Variants in TIPRL observed in about 807,000 individuals in gnomAD.
TIPRL encodes the protein TIP41-like protein.
A neutral mutation model predicts 32.3 loss-of-function variants in TIPRL; 10 were observed. The ratio of observed to expected loss-of-function variants is 0.31; its 90% CI spans 0.19 to 0.52. The LOEUF is 0.52. Ranked by LOEUF, TIPRL falls within the 20% of genes least tolerant of loss-of-function variation. TIPRL has a pLI of 0.96. For missense variants in TIPRL, 250 were observed against 328.1 expected (o/e 0.76, Z 1.84); for synonymous variants, 100 against 114.0 (o/e 0.88, Z 0.78).
At position 168,200,101 on chromosome 1, in the gene TIPRL, G is replaced by A. The variant is rs950671007; in HGVS notation, c.*55G>A. On this transcript the variant is annotated 3_prime_UTR_variant, in exon 7 of 7. Coordinates refer to ENST00000367833, the MANE Select transcript of TIPRL (RefSeq NM_152902.5). ...ATCTGACTGGACACCTTGGCTATTT[G>A]TAAGGGGTTATTTTTATTATGAGAA... 4 of 1,560,500 alleles carry A rather than the reference G, an allele frequency of 2.6e-6. No homozygotes were observed. The highest frequency in any genetic ancestry group is 2.7e-5 in the African/African-American group (2 of 72,896).
intron 5 of TIPRL, among the ~76,000 whole-genome samples, chr1:168,198,394 CA>C (rs1273651643): frequency 2.0e-5 from 3 of 151,712 alleles, no homozygotes; most frequent in Non-Finnish European, 2.9e-5. Context: ...AAAACCTAAC[CA>C]AAAATCTTAA....
chr1:168,191,576 A>G (rs1265782290), intron 4 of TIPRL, 76 bp downstream of exon 4: 4 of 1,274,468 alleles, frequency 3.1e-6, no homozygotes, highest in African/African-American at 3.2e-5. Context: ...CTCACTTTGA[A>G]TAACACTGAG....
intron 4 of TIPRL, 93 bp downstream of exon 4, chr1:168,191,593 C>T (rs971213145): frequency 3.8e-5 from 43 of 1,136,578 alleles, no homozygotes; most frequent in Middle Eastern, 3.3e-4. Flanking sequence ...TGAGCCTGGC[C>T]GGGCGCGGTG....
intron 1 of TIPRL, among the ~76,000 whole-genome samples, chr1:168,181,880 G>A (rs1440535694): frequency 1.3e-5 from 2 of 151,578 alleles, no homozygotes; most frequent in African/African-American, 4.8e-5. Flanking sequence ...GGACAACATG[G>A]TGTAACCCCG....
Position 168,200,663 on chromosome 1 carries a change from G to T in TIPRL, c.*617G>T, listed in dbSNP as rs1174616972. The T allele has an allele frequency of 6.6e-6, 1 of 151,982 alleles. No individual in the cohort carries two copies. The highest frequency in any genetic ancestry group is 1.5e-5 in the Non-Finnish European group (1 of 68,012). The allele number at this position is 151,982 out of a possible 1,614,324, so 9.4% of individuals were successfully genotyped here. A position where few individuals can be genotyped will look rare whatever the true frequency, so the allele number is the denominator to read the frequency against. Reference sequence around the variant, plus strand: ...AACCAAAAATACCTAGATTTTTGGAGAACTTATTACATACATAGAAACATG... The same window carrying T: ...AACCAAAAATACCTAGATTTTTGGATAACTTATTACATACATAGAAACATG... On this transcript the variant is annotated 3_prime_UTR_variant, in exon 7 of 7. Coordinates refer to ENST00000367833, the MANE Select transcript of TIPRL (RefSeq NM_152902.5).
At position 168,201,213 on chromosome 1, in the gene TIPRL, T is replaced by C. The variant is rs558274288; in HGVS notation, c.*1167T>C. The C allele has an allele frequency of 2.0e-5, 3 of 152,246 alleles. No homozygotes were observed. The highest frequency in any genetic ancestry group is 1.9e-4 in the East Asian group (1 of 5,182). The allele number at this position is 152,246 out of a possible 1,614,324, so 9.4% of individuals were successfully genotyped here. Reference sequence around the variant, plus strand: ...AAAAAGCATCAAATAAGAAATTATTTCAAGTGGATTTTTAAAAATATTTTT... The same window carrying C: ...AAAAAGCATCAAATAAGAAATTATTCCAAGTGGATTTTTAAAAATATTTTT... On this transcript the variant is annotated 3_prime_UTR_variant, in exon 7 of 7. Transcript: ENST00000367833.
intron 4 of TIPRL, among the ~76,000 whole-genome samples, chr1:168,191,743 G>A (rs959382185): frequency 6.6e-6 from 1 of 151,588 alleles, no homozygotes; most frequent in African/African-American, 2.4e-5. Context: ...ATGGTGGCGG[G>A]CGCCTGTAGT....
Position 168,191,375 on chromosome 1 carries a change from C to T in TIPRL, c.391C>T (p.Pro131Ser). ...LGESLKLKVV[P>S]TTDHIDTEKL... ...TTAAAATTTTTTCTTTCAGGTTGTA[C>T]CTACAACAGATCATATAGATACAGA... The change falls in exon 4 of 7, where the codon CCT (proline) becomes TCT (serine). Residue 131 changes from proline (P) to serine (S), a missense_variant. Pro to Ser is a moderately conservative substitution (Grantham distance 74, BLOSUM62 -1). Coordinates refer to ENST00000367833, the MANE Select transcript of TIPRL (RefSeq NM_152902.5). 6.5e-7 allele frequency: 1 copy of T among 1,528,570 alleles called. No individual in the cohort carries two copies. Among genetic ancestry groups the T allele is most frequent in the South Asian group, 1.3e-5 (1 of 75,186 alleles). 94.7% of individuals were successfully genotyped at this position (1,528,570 alleles called of 1,614,324 possible).
chr1:168,187,981 T>C (rs1700048789), intron 3 of TIPRL, among the ~76,000 whole-genome samples: 12 of 152,102 alleles, frequency 7.9e-5, no homozygotes, highest in Non-Finnish European at 2.9e-5. Context: ...CAAAACAGTG[T>C]GTGTTTTGCA....
intron 1 of TIPRL, among the ~76,000 whole-genome samples, chr1:168,183,030 A>G (rs1228031646): frequency 6.6e-6 from 1 of 152,224 alleles, no homozygotes; most frequent in Non-Finnish European, 1.5e-5. Flanking sequence ...TAGATCACTG[A>G]TATGTGCACA....
chr1:168,194,463 C>G (rs1029513190), intron 4 of TIPRL, among the ~76,000 whole-genome samples: 2 of 152,202 alleles, frequency 1.3e-5, no homozygotes, highest in African/African-American at 4.8e-5. Flanking sequence ...CTGTGCCATG[C>G]TAAAATGATA....
chr1:168,199,807 A>G, intron 6 of TIPRL, 96 bp from the exon 7 acceptor site: 3 of 1,338,776 alleles, frequency 2.2e-6, no homozygotes, highest in Non-Finnish European at 3.0e-6. Context: ...ACCTGATTTT[A>G]AAATTTCCAT....
intron 1 of TIPRL, 101 bp downstream of exon 1, chr1:168,179,282 G>T: frequency 1.5e-5 from 16 of 1,037,034 alleles, no homozygotes; most frequent in Non-Finnish European, 2.3e-5. Flanking sequence ...CCCTGAGGCG[G>T]AGGTTCGGTC....
rs940407573 is a variant in TIPRL, at chr1:168,200,309, C to G, written c.*263C>G. The G allele has an allele frequency of 1.4e-5, 5 of 356,232 alleles. No individual in the cohort carries two copies. Among genetic ancestry groups the G allele is most frequent in the Non-Finnish European group, 2.1e-5 (4 of 192,112 alleles). 22.1% of individuals were successfully genotyped at this position (356,232 alleles called of 1,614,324 possible). On this transcript the variant is annotated 3_prime_UTR_variant, in exon 7 of 7. Coordinates refer to ENST00000367833, the MANE Select transcript of TIPRL (RefSeq NM_152902.5). ...AAATTATCACAAAGTGGGACCTCAG[C>G]AGTAGTGATGTGTGTGTCTCATGAG...
intron 4 of TIPRL, among the ~76,000 whole-genome samples, chr1:168,194,376 T>C (rs768716309): frequency 3.3e-5 from 5 of 152,194 alleles, no homozygotes; most frequent in Non-Finnish European, 7.4e-5. Flanking sequence ...AAACGTCCCC[T>C]AGGAAAGAAC....
chr1:168,199,864 A>T, intron 6 of TIPRL, 39 bp from the exon 7 acceptor site: 1 of 1,574,456 alleles, frequency 6.4e-7, no homozygotes, highest in South Asian at 1.2e-5. Context: ...ATTTCAGTAC[A>T]GTAACTGAAT....
rs113779634 is a variant in TIPRL, at chr1:168,183,498, T to G, written c.105-404T>G. 3.1e-3 allele frequency among the ~76,000 whole-genome samples: 478 copies of G among 152,092 alleles called. 2 individuals carry two copies. Among genetic ancestry groups the G allele is most frequent in the African/African-American group, 0.011 (457 of 41,486 alleles). Reference sequence around the variant, plus strand: ...ATCAGTGTCAGGTGCTTTTGCTTTTTTCATCACCACGTTTTGAAACTTTTA... The same window carrying G: ...ATCAGTGTCAGGTGCTTTTGCTTTTGTCATCACCACGTTTTGAAACTTTTA... On this transcript the variant is annotated intron_variant, in intron 1 of 6. Coordinates refer to ENST00000367833, the MANE Select transcript of TIPRL (RefSeq NM_152902.5).
intron 4 of TIPRL, among the ~76,000 whole-genome samples, chr1:168,192,865 A>G (rs865844312): frequency 6.3e-4 from 69 of 110,332 alleles, no homozygotes; most frequent in African/African-American, 3.0e-3. Context: ...CAGCCTGGGC[A>G]ACAAGCGAGA....
chr1:168,192,220 C>T (rs1278254458), intron 4 of TIPRL: 2 of 1,481,276 alleles, frequency 1.4e-6, no homozygotes, highest in East Asian at 2.8e-5. Flanking sequence ...TGGTGGCGGG[C>T]ACCTGTAGTC....
Sources: allele counts gnomAD v4.1 joint callset (sites outside exome capture counted in the v4.1 genomes callset), GRCh38; gene constraint gnomAD v4.1.1; transcripts MANE v1.5; gene names NCBI Gene and HGNC (gene_info 2026-07-23, HGNC 2026-07-21).